LUC7L2: variants seen among roughly 807,000 people sequenced by gnomAD.
LUC7L2 encodes putative RNA-binding protein Luc7-like 2.
Under a neutral mutation model 52.8 loss-of-function variants are expected in LUC7L2, and 25 were observed. That is an observed-to-expected ratio of 0.47 (90% CI 0.34 to 0.66). The LOEUF is 0.66. LUC7L2 is among the 30% of genes least tolerant of loss of function. LUC7L2 has a pLI of 0.01. For synonymous variants in LUC7L2, 144 were observed against 160.9 expected, an observed-to-expected ratio of 0.89 and a Z score of 0.80; for missense variants, 328 against 497.8, an observed-to-expected ratio of 0.66 and a Z score of 3.25.
At chr7:139,357,478 T>G (rs1799639649), upstream of LUC7L2, among the ~76,000 whole-genome samples, 1 of 152,188 alleles carries the variant, frequency 6.6e-6, no homozygotes, top group Non-Finnish European at 1.5e-5. Context: ...ATTATTGGTT[T>G]TAGTGTATTT....
chr7:139,396,604 C>T (rs1307550657), intron 2 of LUC7L2, among the ~76,000 whole-genome samples: 1 of 152,066 alleles, frequency 6.6e-6, no homozygotes, highest in African/African-American at 2.4e-5. Context: ...TGTTCCCTGG[C>T]TTTTTTGTGC....
At chr7:139,402,268 A>G in intron 4 of LUC7L2, 21 bp downstream of exon 4, 1 of 1,569,486 alleles carries the variant, frequency 6.4e-7, no homozygotes, top group Non-Finnish European at 8.6e-7. Flanking sequence ...TAATCATTTC[A>G]TTAGTACAAA....
At chr7:139,416,300 T>C (rs991027883) in intron 8 of LUC7L2, 2 of 151,732 alleles carry the variant, frequency 1.3e-5, no homozygotes, top group South Asian at 2.1e-4. Context: ...ACAAGTTAGT[T>C]TGTGACCTGG....
intron 1 of LUC7L2, chr7:139,340,566 T>A: frequency 2.5e-6 from 1 of 398,034 alleles, no homozygotes; most frequent in Non-Finnish European, 4.4e-6. Context: ...TAACTACAAC[T>A]CCCAGCATAC....
intron 7 of LUC7L2, among the ~76,000 whole-genome samples, chr7:139,409,929 C>T (rs1462050000): frequency 6.6e-6 from 1 of 152,064 alleles, no homozygotes; most frequent in Non-Finnish European, 1.5e-5. Flanking sequence ...AAAATCCAGC[C>T]GGGCATGGTG....
At chr7:139,378,444 A>G (rs1368661362) in intron 2 of LUC7L2, among the ~76,000 whole-genome samples, 3 of 151,996 alleles carry the variant, frequency 2.0e-5, no homozygotes, top group African/African-American at 4.8e-5. Context: ...GCATGGTGGT[A>G]TTTCCTGAAG....
chr7:139,342,027 C>A (rs1799005756), intron 1 of LUC7L2, among the ~76,000 whole-genome samples: 1 of 152,096 alleles, frequency 6.6e-6, no homozygotes, highest in African/African-American at 2.4e-5. Context: ...TGCCCTTGAG[C>A]AATGTGGGGA....
At chr7:139,406,898 T>C (rs1057459120) in intron 5 of LUC7L2, among the ~76,000 whole-genome samples, 2 of 151,964 alleles carry the variant, frequency 1.3e-5, no homozygotes, top group African/African-American at 2.4e-5. Context: ...TTTCTGTTCA[T>C]GTTTATTATT....
At chr7:139,360,376 G>GA (rs965205036) in intron 1 of LUC7L2, 54 bp downstream of exon 1, 1 of 1,523,914 alleles carries the variant, frequency 6.6e-7, no homozygotes, top group Non-Finnish European at 8.9e-7. Flanking sequence ...ACGGCGAAGG[G>GA]AAGGGGTTCC....
chr7:139,421,670 A>C (rs894217467), intron 9 of LUC7L2, among the ~76,000 whole-genome samples: 5 of 152,230 alleles, frequency 3.3e-5, no homozygotes, highest in African/African-American at 1.2e-4. Flanking sequence ...GATAGGCCAA[A>C]TCTGGCCGGT....
chr7:139,362,261 G>GT (rs900065174), intron 1 of LUC7L2, among the ~76,000 whole-genome samples: 19 of 151,770 alleles, frequency 1.3e-4, no homozygotes, highest in African/African-American at 4.6e-4. Context: ...ATTGAGTGGA[G>GT]TTTTTTTTAG....
chr7:139,352,045 A>G (rs376219378), intron 1 of LUC7L2, among the ~76,000 whole-genome samples: 12 of 152,186 alleles, frequency 7.9e-5, no homozygotes, highest in African/African-American at 2.9e-4. Context: ...AAATGTAAAA[A>G]TTAGCCAGGT....
intron 2 of LUC7L2, among the ~76,000 whole-genome samples, chr7:139,385,039 A>G (rs1416754155): frequency 1.3e-5 from 2 of 152,128 alleles, no homozygotes; most frequent in Non-Finnish European, 2.9e-5. Context: ...ATGTATAGTA[A>G]TATCTTATTC....
chr7:139,409,865 A>C (rs1248677958), intron 7 of LUC7L2, among the ~76,000 whole-genome samples: 2 of 152,214 alleles, frequency 1.3e-5, no homozygotes, highest in African/African-American at 4.8e-5. Context: ...GATTTCCTTT[A>C]AAATGTGTGG....
At chr7:139,412,823 T>A in intron 8 of LUC7L2, 1 of 158,604 alleles carries the variant, frequency 6.3e-6, no homozygotes, top group Non-Finnish European at 1.1e-5. Context: ...GGACTCTGTC[T>A]TTAAAAAAAA....
At chr7:139,406,699 G>A in intron 5 of LUC7L2, among the ~76,000 whole-genome samples, 1 of 151,980 alleles carries the variant, frequency 6.6e-6, no homozygotes, top group East Asian at 1.9e-4. Flanking sequence ...TGGTAAATTT[G>A]TCTTTCAGAA....
chr7:139,415,054 G>GTT (rs1171809951), intron 8 of LUC7L2, among the ~76,000 whole-genome samples: 720 of 54,018 alleles, frequency 0.013, 65 homozygotes, highest in East Asian at 0.028. Flanking sequence ...GCCCTGCTAA[G>GTT]TTTTTTTTTT....
At chr7:139,342,086 G>A (rs1246726171) in intron 1 of LUC7L2, among the ~76,000 whole-genome samples, 1 of 152,182 alleles carries the variant, frequency 6.6e-6, no homozygotes, top group Non-Finnish European at 1.5e-5. Context: ...ACGTCAGAAT[G>A]TAAAATCTTA....
At chr7:139,364,079 G>C (rs1800019542) in intron 1 of LUC7L2, among the ~76,000 whole-genome samples, 1 of 147,446 alleles carries the variant, frequency 6.8e-6, no homozygotes, top group African/African-American at 2.6e-5. Context: ...CCACCTCCTG[G>C]GTTCGAGTGA....
Sources: gnomAD v4.1 joint callset for allele counts (sites outside exome capture counted in the v4.1 genomes callset) on GRCh38, gnomAD v4.1.1 for gene constraint, MANE v1.5 for transcripts, NCBI Gene and HGNC (gene_info 2026-07-23, HGNC 2026-07-21) for gene names.